Variants in STAG2 observed in about 807,000 individuals in gnomAD.
The protein encoded by STAG2 is STAG2 cohesin complex component, also known as cohesin subunit SA-2.
STAG2 carries 14 observed loss-of-function variants against 108.1 expected under a neutral mutation model. That is an observed-to-expected ratio of 0.13 (90% CI 0.09 to 0.20). STAG2 has a LOEUF of 0.20. Among genes scored for constraint, STAG2 ranks in the 10% least tolerant of loss-of-function variants. The probability of loss-of-function intolerance (pLI) is 1.00; values close to 1 mark genes in which losing one functional copy is unlikely to be tolerated. For synonymous variants in STAG2, 307 were observed against 302.7 expected (o/e 1.01, Z -0.15); for missense variants, 440 against 940.9 (o/e 0.47, Z 6.96).
chrX:124,046,034 C>T (rs1201117919), intron 8 of STAG2, among the ~76,000 whole-genome samples: 1 of 111,617 alleles, frequency 9.0e-6, no homozygotes, highest in East Asian at 2.8e-4. Flanking sequence ...TACCTCATAA[C>T]ATCTGTTAGT....
intron 16 of STAG2, 28 bp from the exon 17 acceptor site, chrX:124,061,743 C>CTTTTTTTGTTTT: frequency 2.1e-6 from 1 of 478,286 alleles, no homozygotes; most frequent in Non-Finnish European, 3.0e-6. Context: ...CTCTTTCTGA[C>CTTTTTTTGTTTT]TTTTTTTTTT....
intron 1 of STAG2, among the ~76,000 whole-genome samples, chrX:123,987,458 G>T (rs773733592): frequency 9.2e-4 from 101 of 109,270 alleles, no homozygotes; most frequent in Non-Finnish European, 1.6e-3. Flanking sequence ...TTGTTGGCCA[G>T]GCTGGTCTCA....
At position 124,016,407 on chromosome X, in the gene STAG2, A is replaced by T. The variant is rs752762562; in HGVS notation, c.-162-4960A>T. 5.6e-4 allele frequency among the ~76,000 whole-genome samples: 63 copies of T among 112,097 alleles called. 1 individual carries two copies. Among genetic ancestry groups the T allele is most frequent in the Non-Finnish European group, 7.7e-4 (41 of 53,250 alleles). On this transcript the variant is annotated intron_variant, in intron 1 of 34. Coordinates refer to ENST00000371145, the MANE Select transcript of STAG2 (RefSeq NM_001042750.2). The stretch of plus-strand genomic sequence containing the variant: ...ATTGTAAATAAAAAATTAAAAAATT[A>T]CCCACCTTGATTTGTTACTGTATTC...
intron 1 of STAG2, among the ~76,000 whole-genome samples, chrX:123,979,892 GATAAC>G (rs1361928632): frequency 9.0e-6 from 1 of 111,605 alleles, no homozygotes; most frequent in African/African-American, 3.3e-5. Context: ...CTTAGTAGGA[GATAAC>G]ATAGCATACA....
intron 2 of STAG2, 53 bp downstream of exon 2, chrX:124,021,484 C>T (rs1263676521): frequency 8.9e-6 from 1 of 112,002 alleles, no homozygotes; most frequent in African/African-American, 3.2e-5. Flanking sequence ...TTTTCTCCTT[C>T]CTTGTTTGCT....
intron 1 of STAG2, among the ~76,000 whole-genome samples, chrX:123,991,910 C>T (rs1011277269): frequency 3.5e-5 from 4 of 112,840 alleles, no homozygotes; most frequent in African/African-American, 9.6e-5. Context: ...GTGATCCACC[C>T]GCCTCAGCGG....
chrX:123,968,420 T>G (rs770743379), intron 1 of STAG2, among the ~76,000 whole-genome samples: 2 of 111,806 alleles, frequency 1.8e-5, no homozygotes, highest in East Asian at 5.7e-4. Flanking sequence ...AGCACTTTGG[T>G]AGGCCAAGGT....
intron 1 of STAG2, among the ~76,000 whole-genome samples, chrX:123,985,723 A>G (rs1014052974): frequency 2.8e-5 from 3 of 107,574 alleles, no homozygotes; most frequent in Non-Finnish European, 3.8e-5. Context: ...GGCACGCTCT[A>G]CCGTACCAGG....
At chrX:124,016,537 C>T (rs2056736010) in intron 1 of STAG2, among the ~76,000 whole-genome samples, 1 of 111,846 alleles carries the variant, frequency 8.9e-6, no homozygotes, top group Non-Finnish European at 1.9e-5. Context: ...GATGTACTAT[C>T]AGTGGTACTT....
intron 1 of STAG2, among the ~76,000 whole-genome samples, chrX:123,973,316 G>A (rs1010585939): frequency 7.3e-5 from 8 of 109,535 alleles, no homozygotes; most frequent in Non-Finnish European, 1.3e-4. Flanking sequence ...GCTGAGGCAG[G>A]CAGATCATGA....
chrX:124,091,032 G>T, intron 32 of STAG2, 68 bp downstream of exon 32: 1 of 801,207 alleles, frequency 1.2e-6, no homozygotes, highest in Non-Finnish European at 1.8e-6. Context: ...TTTAATGTGT[G>T]CCTTATCTAA....
At chrX:123,980,902 T>G (rs1602668551) in intron 1 of STAG2, among the ~76,000 whole-genome samples, 1 of 111,677 alleles carries the variant, frequency 9.0e-6, no homozygotes, top group South Asian at 3.7e-4. Flanking sequence ...GAAAACTTTT[T>G]TTTTCTTTTT....
At chrX:124,084,951 T>A (rs1208052785) in intron 29 of STAG2, among the ~76,000 whole-genome samples, 3 of 111,519 alleles carry the variant, frequency 2.7e-5, no homozygotes, top group South Asian at 7.5e-4. Flanking sequence ...TACCTCATGA[T>A]CCAGTAATTT....
intron 1 of STAG2, among the ~76,000 whole-genome samples, chrX:123,998,027 G>A (rs1002411782): frequency 2.7e-4 from 30 of 111,486 alleles, no homozygotes; most frequent in Admixed American, 1.8e-3. Flanking sequence ...ATGGCTCCTC[G>A]GGTTGCTTCC....
intron 5 of STAG2, among the ~76,000 whole-genome samples, chrX:124,033,730 C>T (rs1258812086): frequency 1.8e-5 from 2 of 111,781 alleles, no homozygotes; most frequent in Non-Finnish European, 3.8e-5. Context: ...CCATTGCACT[C>T]CAGCCTGGGC....
At chrX:123,975,430 T>A (rs992243176) in intron 1 of STAG2, among the ~76,000 whole-genome samples, 1 of 112,009 alleles carries the variant, frequency 8.9e-6, no homozygotes, top group African/African-American at 3.2e-5. Context: ...AAAGCAAACT[T>A]GTCAATGACA....
intron 1 of STAG2, among the ~76,000 whole-genome samples, chrX:124,015,131 C>A (rs2056670862): frequency 1.9e-5 from 2 of 104,710 alleles, no homozygotes; most frequent in Admixed American, 2.1e-4. Flanking sequence ...GGACTACAGA[C>A]CCCCAACCAC....
chrX:124,057,800 T>A (rs2058249753), intron 14 of STAG2, 66 bp from the exon 15 acceptor site: 1 of 736,246 alleles, frequency 1.4e-6, no homozygotes, highest in Admixed American at 3.7e-5. Flanking sequence ...TTGAAACAGT[T>A]AATTTTTTTA....
intron 4 of STAG2, among the ~76,000 whole-genome samples, chrX:124,028,794 T>TTATATATATATATATATATATATATA (rs56052834): frequency 2.7e-5 from 2 of 75,090 alleles, no homozygotes; most frequent in African/African-American, 1.2e-4. Flanking sequence ...TAAGAATAGT[T>TTATATATATATATATATATATATATA]TATATATATA....
Sources: gnomAD v4.1 joint callset for allele counts (sites outside exome capture counted in the v4.1 genomes callset) on GRCh38, gnomAD v4.1.1 for gene constraint, MANE v1.5 for transcripts, NCBI Gene and HGNC (gene_info 2026-07-23, HGNC 2026-07-21) for gene names.